The following TSHR variants were observed in gnomAD, a reference collection of about 807,000 sequenced individuals.
TSHR encodes thyroid stimulating hormone receptor, also known as thyrotropin receptor.
A neutral mutation model predicts 64.1 loss-of-function variants in TSHR; 51 were observed. That is an observed-to-expected ratio of 0.80 (90% CI 0.64 to 1.01). TSHR has a LOEUF of 1.01. TSHR is among the 50% of genes least tolerant of loss of function. The pLI, the probability that TSHR is intolerant of heterozygous loss-of-function variation, is 0.00. For missense variants in TSHR, 877 were observed against 942.8 expected (o/e 0.93, Z 0.91); for synonymous variants, 361 against 361.9 (o/e 1.00, Z 0.03).
intron 3 of TSHR, among the ~76,000 whole-genome samples, chr14:81,084,146 C>A (rs1163203015): frequency 6.6e-6 from 1 of 152,210 alleles, no homozygotes; most frequent in Non-Finnish European, 1.5e-5. Context: ...CAGAGCCAGA[C>A]CATATCATCT....
At chr14:81,002,789 T>C in intron 1 of TSHR, among the ~76,000 whole-genome samples, 1 of 35,368 alleles carries the variant, frequency 2.8e-5, no homozygotes, top group Non-Finnish European at 7.9e-5. Context: ...CTCTTTTTTT[T>C]TTTTTTTTTT....
chr14:81,035,545 A>G (rs1314141793), intron 1 of TSHR, among the ~76,000 whole-genome samples: 2 of 152,186 alleles, frequency 1.3e-5, no homozygotes, highest in Non-Finnish European at 2.9e-5. Flanking sequence ...GGTGTCCTCA[A>G]GGATAGAACT....
chr14:81,142,715 T>C (rs1891747257), intron 9 of TSHR, among the ~76,000 whole-genome samples: 1 of 151,462 alleles, frequency 6.6e-6, no homozygotes, highest in Non-Finnish European at 1.5e-5. Context: ...GCTCAGGTGA[T>C]TTTCCCACCT....
intron 4 of TSHR, 122 bp from the exon 5 acceptor site, chr14:81,090,947 G>A: frequency 1.3e-6 from 1 of 789,200 alleles, no homozygotes; most frequent in Non-Finnish European, 2.1e-6. Flanking sequence ...AAGGTGTTGG[G>A]AGTTTGACTA....
chr14:80,976,657 T>A (rs1887892537), intron 1 of TSHR, among the ~76,000 whole-genome samples: 1 of 152,236 alleles, frequency 6.6e-6, no homozygotes, highest in African/African-American at 2.4e-5. Flanking sequence ...ACAGCAGCCC[T>A]GCTTCTTCCT....
At chr14:80,999,440 A>G (rs1889191828) in intron 1 of TSHR, among the ~76,000 whole-genome samples, 2 of 152,112 alleles carry the variant, frequency 1.3e-5, no homozygotes, top group Non-Finnish European at 2.9e-5. Flanking sequence ...AATTGCTCCC[A>G]TTTTGGATGA....
At chr14:81,065,769 G>C (rs1389274043) in intron 2 of TSHR, among the ~76,000 whole-genome samples, 1 of 152,144 alleles carries the variant, frequency 6.6e-6, no homozygotes, top group Non-Finnish European at 1.5e-5. Flanking sequence ...CATATTTGTG[G>C]AATAAAAGCA....
chr14:80,994,939 C>T (rs978390824), intron 1 of TSHR: 1 of 152,094 alleles, frequency 6.6e-6, no homozygotes, highest in African/African-American at 2.4e-5. Context: ...AAAACACTAT[C>T]AACAGAGTAA....
chr14:80,978,164 C>G (rs1646738147), intron 1 of TSHR, among the ~76,000 whole-genome samples: 1 of 151,684 alleles, frequency 6.6e-6, no homozygotes, highest in African/African-American at 2.4e-5. Flanking sequence ...ATGAACATTG[C>G]ACAGGCCAGG....
intron 5 of TSHR, among the ~76,000 whole-genome samples, chr14:81,092,305 C>T (rs1302374940): frequency 2.0e-5 from 3 of 152,140 alleles, no homozygotes; most frequent in Non-Finnish European, 2.9e-5. Context: ...ACCTAAAGCT[C>T]TCACTTACCC....
chr14:81,029,997 CA>C, intron 1 of TSHR, among the ~76,000 whole-genome samples: 1 of 152,136 alleles, frequency 6.6e-6, no homozygotes, highest in Non-Finnish European at 1.5e-5. Flanking sequence ...GAGTTCTGCA[CA>C]AAGGCCTCTT....
In TSHR at chr14:80,971,391, T is replaced by C. The variant is rs115235024; in HGVS notation, c.170+15541T>C. 8.2e-3 allele frequency among the ~76,000 whole-genome samples: 1,249 copies of C among 152,294 alleles called. 17 individuals carry two copies. The highest frequency in any genetic ancestry group is 0.029 in the African/African-American group (1,208 of 41,550). ...GCAAAGCAGTGAATTGGTATTGCTA[T>C]TGTTCCTAGATAAAGGTTTACTACT... On this transcript the variant is annotated intron_variant, in intron 1 of 9. Transcript: ENST00000298171.
intron 1 of TSHR, among the ~76,000 whole-genome samples, chr14:80,999,220 AT>A (rs1889180852): frequency 6.6e-6 from 1 of 152,274 alleles, no homozygotes; most frequent in Admixed American, 6.5e-5. Context: ...TTACTATCTC[AT>A]TTTTGAAGAA....
intron 8 of TSHR, among the ~76,000 whole-genome samples, chr14:81,137,691 A>G (rs2140098696): frequency 6.6e-6 from 1 of 152,356 alleles, no homozygotes; most frequent in South Asian, 2.1e-4. Context: ...GCTCATAATA[A>G]AAAGATTGTT....
chr14:81,035,085 GAAAGGTTGGAATCTC>G (rs1243750593), intron 1 of TSHR, among the ~76,000 whole-genome samples: 5 of 152,182 alleles, frequency 3.3e-5, no homozygotes, highest in Non-Finnish European at 1.5e-5. Flanking sequence ...CCAAGTGAAT[GAAAGGTTGGAATCTC>G]AAATCCTACA....
chr14:81,017,438 C>T (rs1883473733), intron 1 of TSHR, among the ~76,000 whole-genome samples: 1 of 152,056 alleles, frequency 6.6e-6, no homozygotes, highest in African/African-American at 2.4e-5. Context: ...AGAGAGTGCA[C>T]AAAGAAAAAC....
intron 1 of TSHR, among the ~76,000 whole-genome samples, chr14:81,027,682 A>G (rs1484989985): frequency 1.3e-5 from 2 of 152,214 alleles, no homozygotes; most frequent in East Asian, 1.9e-4. Context: ...AAAAACCTAC[A>G]TGAGCTTTAA....
Position 81,143,702 on chromosome 14 carries a change from C to T in TSHR, c.1644C>T (p.Cys548=), listed in dbSNP as rs771426109. 1.9e-6 allele frequency: 3 copies of T among 1,614,228 alleles called. No individual in the cohort carries two copies. The Admixed American group carries it at 5.0e-5, about 27-fold the overall frequency. ...ACAIMVGGWV[C]CFLLALLPLV... ...CCATCATGGTTGGGGGCTGGGTTTGCTGCTTCCTTCTCGCCCTGCTTCCTT... is the reference window on the plus strand; with the variant it reads ...CCATCATGGTTGGGGGCTGGGTTTGTTGCTTCCTTCTCGCCCTGCTTCCTT... Residue 548 remains cysteine, a synonymous_variant, in exon 10 of 10, where the codon TGC becomes TGT. Transcript: ENST00000298171.
In TSHR at chr14:80,980,527, T is replaced by C. The variant is rs115845930; in HGVS notation, c.170+24677T>C. Among the ~76,000 whole-genome samples the C allele has an allele frequency of 5.0e-3, 766 of 152,370 alleles. 4 individuals carry two copies. Among genetic ancestry groups the C allele is most frequent in the African/African-American group, 0.017 (727 of 41,592 alleles). On this transcript the variant is annotated intron_variant, in intron 1 of 9. Transcript: ENST00000298171. ...TGCCACCAGCTCAGTTATCCTTCTC[T>C]TGATGTTTTCATCTTTGACTTTTAT...
Sources: allele counts gnomAD v4.1 joint callset (sites outside exome capture counted in the v4.1 genomes callset), GRCh38; gene constraint gnomAD v4.1.1; transcripts MANE v1.5; gene names NCBI Gene and HGNC (gene_info 2026-07-23, HGNC 2026-07-21).